GPR158: variants seen among roughly 807,000 people sequenced by gnomAD.
GPR158 encodes the protein G protein-coupled receptor 158, also known as metabotropic glycine receptor.
Under a neutral mutation model 78.2 loss-of-function variants are expected in GPR158, and 30 were observed. That is an observed-to-expected ratio of 0.38 (90% CI 0.29 to 0.52). The LOEUF (loss-of-function observed/expected upper bound fraction) is 0.52, where lower values mean the gene tolerates loss of function less well. Ranked by LOEUF, GPR158 falls within the 20% of genes least tolerant of loss-of-function variation. The pLI, the probability that GPR158 is intolerant of heterozygous loss-of-function variation, is 0.83. For synonymous variants in GPR158, 581 were observed against 591.1 expected (o/e 0.98, Z 0.25); for missense variants, 1,463 against 1,523.5 (o/e 0.96, Z 0.66).
intron 4 of GPR158, among the ~76,000 whole-genome samples, chr10:25,465,394 G>A (rs1368283686): frequency 2.0e-5 from 3 of 152,034 alleles, no homozygotes; most frequent in Non-Finnish European, 4.4e-5. Context: ...AAAATTTATT[G>A]TAGAAAATAA....
At position 25,466,332 on chromosome 10, in the gene GPR158, A is replaced by G. The variant is rs977582276; in HGVS notation, c.1336-319A>G. The G allele has an allele frequency of 2.3e-5, 5 of 219,784 alleles. No individual in the cohort carries two copies. The Admixed American group carries it at 2.6e-4, about 12-fold the overall frequency. 13.6% of individuals were successfully genotyped at this position (219,784 alleles called of 1,614,324 possible). A position where few individuals can be genotyped will look rare whatever the true frequency, so the allele number is the denominator to read the frequency against. ...CCCTTCGATCGAGAAAAGACCTTCA[A>G]TCGGGAGAAGACTTCTCGTCTCAAA... is the stretch of plus-strand genomic sequence containing the variant. On this transcript the variant is annotated intron_variant, in intron 4 of 10. Coordinates refer to ENST00000376351, the MANE Select transcript of GPR158 (RefSeq NM_020752.3).
intron 5 of GPR158, among the ~76,000 whole-genome samples, chr10:25,547,077 A>G (rs1405658302): frequency 6.6e-6 from 1 of 152,210 alleles, no homozygotes; most frequent in Non-Finnish European, 1.5e-5. Flanking sequence ...AGATCCCATC[A>G]GTTGCCATTT....
chr10:25,419,136 A>G (rs923463622), intron 4 of GPR158, among the ~76,000 whole-genome samples: 1 of 152,076 alleles, frequency 6.6e-6, no homozygotes, highest in African/African-American at 2.4e-5. Context: ...CAAACTCTCT[A>G]CCCATTATAC....
intron 1 of GPR158, among the ~76,000 whole-genome samples, chr10:25,196,647 A>G (rs1379332818): frequency 6.6e-6 from 1 of 152,230 alleles, no homozygotes; most frequent in Non-Finnish European, 1.5e-5. Flanking sequence ...TTAGGAAGCT[A>G]GACAAAGAAG....
intron 4 of GPR158, among the ~76,000 whole-genome samples, chr10:25,456,162 C>T (rs1461018992): frequency 6.6e-6 from 1 of 152,162 alleles, no homozygotes; most frequent in African/African-American, 2.4e-5. Context: ...CCTCTTCTTG[C>T]AAATAGGGGG....
rs145469744 is a variant in GPR158, at chr10:25,509,292, C to G, written c.1405-41684C>G. On this transcript the variant is annotated intron_variant, in intron 5 of 10. Transcript: ENST00000376351. The stretch of plus-strand genomic sequence containing the variant: ...CTGGGGCAATATATAGAGTAAGTGT[C>G]CCCTGAATATCATGGACTTCGTGCG... Among the ~76,000 whole-genome samples, 52 of 152,278 alleles carry G rather than the reference C, an allele frequency of 3.4e-4. 2 individuals are homozygous for G. Among genetic ancestry groups the G allele is most frequent in the African/African-American group, 1.2e-3 (51 of 41,570 alleles).
intron 5 of GPR158, among the ~76,000 whole-genome samples, chr10:25,478,682 A>T (rs1835622502): frequency 6.6e-6 from 1 of 152,012 alleles, no homozygotes; most frequent in African/African-American, 2.4e-5. Flanking sequence ...TCTAGGGTAC[A>T]TGTGCACAGT....
At chr10:25,179,071 A>T (rs1288647726) in intron 1 of GPR158, among the ~76,000 whole-genome samples, 1 of 152,190 alleles carries the variant, frequency 6.6e-6, no homozygotes, top group Non-Finnish European at 1.5e-5. Context: ...AAGAGATTAC[A>T]TTGTTAATTT....
intron 3 of GPR158, among the ~76,000 whole-genome samples, chr10:25,401,622 T>G (rs1055420853): frequency 7.9e-5 from 12 of 152,078 alleles, no homozygotes; most frequent in African/African-American, 2.7e-4. Flanking sequence ...TTTTATATAT[T>G]TGCATTATTT....
intron 2 of GPR158, among the ~76,000 whole-genome samples, chr10:25,260,332 G>T (rs1332436268): frequency 1.3e-5 from 2 of 152,036 alleles, no homozygotes; most frequent in African/African-American, 4.8e-5. Context: ...ATGTTTCTTA[G>T]AATTTCATCT....
intron 2 of GPR158, among the ~76,000 whole-genome samples, chr10:25,320,435 C>T (rs958427640): frequency 1.3e-5 from 2 of 152,238 alleles, no homozygotes; most frequent in Non-Finnish European, 2.9e-5. Context: ...CTGCTCTTCA[C>T]ACTTGCCATG....
At chr10:25,331,039 C>G (rs1855112819) in intron 2 of GPR158, among the ~76,000 whole-genome samples, 1 of 152,160 alleles carries the variant, frequency 6.6e-6, no homozygotes, top group African/African-American at 2.4e-5. Flanking sequence ...TGGGCTCAAG[C>G]AATGCTCATG....
At chr10:25,355,881 T>G (rs112373994) in intron 2 of GPR158, among the ~76,000 whole-genome samples, 1,771 of 152,080 alleles carry the variant, frequency 0.012, 8 homozygotes, top group Non-Finnish European at 0.016. Flanking sequence ...AGTGTGGAAA[T>G]GCAGAACAGC....
At chr10:25,501,535 T>C (rs372548106) in intron 5 of GPR158, among the ~76,000 whole-genome samples, 1 of 152,184 alleles carries the variant, frequency 6.6e-6, no homozygotes, top group Admixed American at 6.5e-5. Context: ...GCCTGGCAGA[T>C]AGTAGGCACG....
At chr10:25,445,798 G>A (rs1031819883) in intron 4 of GPR158, among the ~76,000 whole-genome samples, 1 of 151,982 alleles carries the variant, frequency 6.6e-6, no homozygotes, top group Admixed American at 6.6e-5. Context: ...AGACTAGGAG[G>A]ACTCTCAGAG....
intron 5 of GPR158, among the ~76,000 whole-genome samples, chr10:25,485,200 G>A (rs1835718813): frequency 6.6e-6 from 1 of 151,640 alleles, no homozygotes; most frequent in African/African-American, 2.4e-5. Context: ...ATTGTAAAAG[G>A]CTTAAAAGTA....
chr10:25,296,590 C>T (rs1474240765), intron 2 of GPR158, among the ~76,000 whole-genome samples: 1 of 151,964 alleles, frequency 6.6e-6, no homozygotes, highest in African/African-American at 2.4e-5. Context: ...TTGGTATATT[C>T]CTAGTACCAA....
rs1164005677 is a variant in GPR158, at chr10:25,411,933, CAAAAAAAAAAAAAAAAAAAA to C, written c.1112-299_1112-280del. Among the ~76,000 whole-genome samples, 169 of 47,488 alleles carry C rather than the reference CAAAAAAAAAAAAAAAAAAAA, an allele frequency of 3.6e-3. 8 individuals carry two copies. The Admixed American group carries it at 0.051, about 14-fold the overall frequency. The allele number at this position is 47,488 out of a possible 152,430, so 31.2% of individuals were successfully genotyped here. A position where few individuals can be genotyped will look rare whatever the true frequency, so the allele number is the denominator to read the frequency against. ...TGGGCGACAGAGCGAGACTCTATCA[CAAAAAAAAAAAAAAAAAAAA>C]AAAAAAAAAAAAAAAAAGACTTAGA... On this transcript the variant is annotated intron_variant, in intron 3 of 10. Coordinates refer to ENST00000376351, the MANE Select transcript of GPR158 (RefSeq NM_020752.3).
At chr10:25,334,189 A>G (rs971147116) in intron 2 of GPR158, among the ~76,000 whole-genome samples, 2 of 152,126 alleles carry the variant, frequency 1.3e-5, no homozygotes, top group African/African-American at 4.8e-5. Flanking sequence ...GACAATTAGA[A>G]GTTAAAGTAG....
Sources: gnomAD v4.1 joint callset for allele counts (sites outside exome capture counted in the v4.1 genomes callset) on GRCh38, gnomAD v4.1.1 for gene constraint, MANE v1.5 for transcripts, NCBI Gene and HGNC (gene_info 2026-07-23, HGNC 2026-07-21) for gene names.